Variants in PGM5 observed in about 807,000 individuals in gnomAD.
PGM5 encodes phosphoglucomutase-like protein 5.
PGM5 carries 23 observed loss-of-function variants against 59.2 expected under a neutral mutation model. The observed-to-expected ratio is 0.39, with a 90% confidence interval of 0.28 to 0.55. PGM5 has a LOEUF of 0.55. Among genes scored for constraint, PGM5 ranks in the 20% least tolerant of loss-of-function variants. The pLI is 0.66. For synonymous variants in PGM5, 214 were observed against 286.0 expected (o/e 0.75, Z 2.54); for missense variants, 574 against 748.3 (o/e 0.77, Z 2.72).
At chr9:68,445,836 G>A (rs1319157549) in intron 6 of PGM5, among the ~76,000 whole-genome samples, 2 of 152,240 alleles carry the variant, frequency 1.3e-5, no homozygotes, top group African/African-American at 4.8e-5. Context: ...ACTGAAGGGA[G>A]TGTTGTCCAT....
At chr9:68,427,521 C>T (rs1554682768) in intron 6 of PGM5, among the ~76,000 whole-genome samples, 1 of 152,152 alleles carries the variant, frequency 6.6e-6, no homozygotes, top group Non-Finnish European at 1.5e-5. Context: ...AGGCCACCTG[C>T]TGTGGGCATG....
intron 10 of PGM5, among the ~76,000 whole-genome samples, chr9:68,521,384 G>A (rs926570431): frequency 2.6e-5 from 4 of 152,344 alleles, no homozygotes; most frequent in Admixed American, 1.3e-4. Context: ...GGCTTCCGAA[G>A]TCTTTTGGAG....
At chr9:68,420,311 A>C (rs1823106452) in intron 6 of PGM5, among the ~76,000 whole-genome samples, 2 of 152,236 alleles carry the variant, frequency 1.3e-5, no homozygotes, top group South Asian at 4.2e-4. Flanking sequence ...CTGAAGAAAA[A>C]TTCTCTGCTT....
intron 9 of PGM5, among the ~76,000 whole-genome samples, chr9:68,489,535 G>C (rs1319212614): frequency 2.7e-5 from 4 of 146,018 alleles, no homozygotes; most frequent in African/African-American, 1.0e-4. Flanking sequence ...GTGTGATCTT[G>C]GCTCACTGTG....
chr9:68,515,545 C>T (rs1246786066), intron 10 of PGM5, among the ~76,000 whole-genome samples: 1 of 152,178 alleles, frequency 6.6e-6, no homozygotes, highest in East Asian at 1.9e-4. Flanking sequence ...CATCACCTTA[C>T]GCAACTGCAA....
At chr9:68,458,953 A>G (rs958207542) in intron 6 of PGM5, among the ~76,000 whole-genome samples, 1 of 152,192 alleles carries the variant, frequency 6.6e-6, no homozygotes, top group Non-Finnish European at 1.5e-5. Flanking sequence ...GCCTTTTACC[A>G]TACAGCAGCC....
At chr9:68,479,326 ACATT>A (rs1216098899) in intron 7 of PGM5, 88 bp from the exon 8 acceptor site, 7 of 1,160,178 alleles carry the variant, frequency 6.0e-6, no homozygotes, top group South Asian at 1.6e-5. Context: ...TTTCTACATA[ACATT>A]CAATCACTAA....
intron 2 of PGM5, among the ~76,000 whole-genome samples, chr9:68,380,042 A>G (rs1822027708): frequency 6.6e-6 from 1 of 151,954 alleles, no homozygotes; most frequent in South Asian, 2.1e-4. Flanking sequence ...CAATGGAGAG[A>G]TCAACCAGAC....
chr9:68,421,712 G>A lies in PGM5; in HGVS notation c.1043+29239G>A, dbSNP rs571966764. Among the ~76,000 whole-genome samples, 144 of 152,078 alleles carry A rather than the reference G, an allele frequency of 9.5e-4. 1 individual carries two copies. Among genetic ancestry groups the A allele is most frequent in the South Asian group, 4.8e-3 (23 of 4,818 alleles). On this transcript the variant is annotated intron_variant, in intron 6 of 10. Transcript: ENST00000396396. ...AGCCTGGGTGACAGAGTGAGACTCCGTCTCAAAAACAAAGCAAAACAAAAC... is the reference window on the plus strand; with the variant it reads ...AGCCTGGGTGACAGAGTGAGACTCCATCTCAAAAACAAAGCAAAACAAAAC...
intron 10 of PGM5, among the ~76,000 whole-genome samples, chr9:68,524,434 C>A (rs1824943088): frequency 6.6e-6 from 1 of 152,180 alleles, no homozygotes; most frequent in Non-Finnish European, 1.5e-5. Flanking sequence ...GCGTTCACTG[C>A]TTCCTACTGT....
intron 7 of PGM5, among the ~76,000 whole-genome samples, chr9:68,473,790 G>A (rs1824058707): frequency 6.6e-6 from 1 of 152,060 alleles, no homozygotes; most frequent in South Asian, 2.1e-4. Context: ...TGCAAACCAG[G>A]ATAAGTTGGT....
intron 6 of PGM5, chr9:68,426,872 CT>C (rs1269431442): frequency 4.6e-5 from 7 of 152,154 alleles, no homozygotes; most frequent in Admixed American, 2.6e-4. Context: ...CCTGTGAGGC[CT>C]CCCCTAGACT....
chr9:68,381,082 GT>G (rs1486010655), intron 2 of PGM5, among the ~76,000 whole-genome samples: 1 of 151,864 alleles, frequency 6.6e-6, no homozygotes, highest in African/African-American at 2.4e-5. Context: ...AACACATTTT[GT>G]TAGGCCAGCA....
chr9:68,385,595 T>C (rs1202326382), intron 3 of PGM5, among the ~76,000 whole-genome samples: 1 of 152,042 alleles, frequency 6.6e-6, no homozygotes, highest in Non-Finnish European at 1.5e-5. Flanking sequence ...TTTGCTAATC[T>C]AGCTGGGAGA....
chr9:68,378,159 C>T (rs1821971137), intron 1 of PGM5, 40 bp from the exon 2 acceptor site: 1 of 1,394,128 alleles, frequency 7.2e-7, no homozygotes, highest in South Asian at 1.4e-5. Flanking sequence ...TGGCTTTAAT[C>T]CCAAGGAACT....
At chr9:68,371,698 A>G (rs1163354172) in intron 1 of PGM5, 8 of 152,162 alleles carry the variant, frequency 5.3e-5, no homozygotes, top group African/African-American at 1.7e-4. Flanking sequence ...TTTAACTTCA[A>G]GTTGAGTGCT....
chr9:68,376,823 T>TTCTTTC (rs1554677776), intron 1 of PGM5, among the ~76,000 whole-genome samples: 6 of 108,868 alleles, frequency 5.5e-5, no homozygotes, highest in African/African-American at 1.9e-4. Flanking sequence ...CTTTCTTTCT[T>TTCTTTC]TCTTTCTTTC....
intron 6 of PGM5, chr9:68,394,146 A>G (rs1376503066): frequency 6.6e-6 from 1 of 152,114 alleles, no homozygotes; most frequent in Non-Finnish European, 1.5e-5. Context: ...GGTGACGGGA[A>G]TGTTCTGTGT....
intron 6 of PGM5, among the ~76,000 whole-genome samples, chr9:68,433,778 A>G (rs1823395013): frequency 6.6e-6 from 1 of 152,246 alleles, no homozygotes; most frequent in Non-Finnish European, 1.5e-5. Context: ...TTGTTCACTG[A>G]ACCTTGTAAA....
Sources: gnomAD v4.1 joint callset for allele counts (sites outside exome capture counted in the v4.1 genomes callset) on GRCh38, gnomAD v4.1.1 for gene constraint, MANE v1.5 for transcripts, NCBI Gene and HGNC (gene_info 2026-07-23, HGNC 2026-07-21) for gene names.